The following KIF13A variants were observed in gnomAD, a reference collection of about 807,000 sequenced individuals.
The protein encoded by KIF13A is kinesin family member 13A, also known as kinesin-like protein KIF13A.
In KIF13A, 79 loss-of-function variants were observed where a neutral mutation model predicts 212.2. The observed-to-expected ratio is 0.37, with a 90% confidence interval of 0.31 to 0.45. KIF13A has a LOEUF of 0.45. Among genes scored for constraint, KIF13A ranks in the 20% least tolerant of loss-of-function variants. The pLI, the probability that KIF13A is intolerant of heterozygous loss-of-function variation, is 1.00. For synonymous variants in KIF13A, 789 were observed against 808.6 expected (o/e 0.98, Z 0.41); for missense variants, 1,901 against 2,209.0 (o/e 0.86, Z 2.79).
Position 17,912,333 on chromosome 6 carries a change from C to T in KIF13A, c.147-14153G>A, listed in dbSNP as rs1774147963. Among the ~76,000 whole-genome samples the T allele has an allele frequency of 6.6e-6, 1 of 152,136 alleles. No individual in the cohort carries two copies. Among genetic ancestry groups the T allele is most frequent in the Non-Finnish European group, 1.5e-5 (1 of 68,032 alleles). On this transcript the variant is annotated intron_variant, in intron 2 of 38. Transcript: ENST00000259711. The surrounding 1 kb of genome is among the most constrained non-coding windows in gnomAD (Gnocchi z 4.2). Reference sequence around the variant, plus strand: ...AGAGTGACAGAAGAACATTCAGAAACCAAAATTTCCCCTTCTGGGAAAGAA... The same window carrying T: ...AGAGTGACAGAAGAACATTCAGAAATCAAAATTTCCCCTTCTGGGAAAGAA...
rs1760083659 is a variant in KIF13A at position 17,777,342 on chromosome 6, T to A, written c.4105A>T (p.Lys1369Ter). The A allele has an allele frequency of 1.9e-6, 3 of 1,612,706 alleles. No homozygotes were observed. The Admixed American group carries it at 5.0e-5, about 27-fold the overall frequency. Reference protein sequence around the residue: ...LERLRQAVTVKEALSTKARHI... With the variant: ...LERLRQAVTV ...CGGGCTTTGGTGGAAAGTGCTTCTT[T>A]GACTGTGACGGCCTGTAAACATAAT... Residue 1369 changes from lysine (K) to a stop codon, truncating the protein, a stop_gained, in exon 34 of 39, where the codon AAA (lysine) becomes TAA (stop). Transcript: ENST00000259711. LOFTEE classifies it high-confidence loss of function. This position sits in a 1 kb window ranked among gnomAD's most constrained non-coding sequence, Gnocchi z 4.4.
chr6:17,889,997 G>A (rs1771897839), intron 3 of KIF13A, among the ~76,000 whole-genome samples: 1 of 151,958 alleles, frequency 6.6e-6, no homozygotes, highest in Admixed American at 6.6e-5. Context: ...CCTGTTGACA[G>A]GAAAGACAGG....
intron 20 of KIF13A, among the ~76,000 whole-genome samples, chr6:17,801,112 A>G (rs1332824591): frequency 6.6e-6 from 1 of 152,152 alleles, no homozygotes; most frequent in African/African-American, 2.4e-5. Flanking sequence ...TCATTTGACC[A>G]AACAGCTAGC....
Position 17,856,768 on chromosome 6 carries a change from T to A in KIF13A, c.221-646A>T, listed in dbSNP as rs1419907388. On this transcript the variant is annotated intron_variant, in intron 4 of 38. Transcript: ENST00000259711. This position sits in a 1 kb window ranked among gnomAD's most constrained non-coding sequence, Gnocchi z 4.5. ...GGGCTGAAGAGTAAAGGAGTGACAATCTGTTTTAAACACATAAAAGGACAG... is the reference window on the plus strand; with the variant it reads ...GGGCTGAAGAGTAAAGGAGTGACAAACTGTTTTAAACACATAAAAGGACAG... Among the ~76,000 whole-genome samples the A allele has an allele frequency of 1.3e-5, 2 of 152,184 alleles. No homozygotes were observed. Among genetic ancestry groups the A allele is most frequent in the Non-Finnish European group, 2.9e-5 (2 of 68,040 alleles).
chr6:17,856,041 T>C lies in KIF13A; in HGVS notation c.302A>G (p.Tyr101Cys), dbSNP rs1562061166. The change falls in exon 5 of 39, where the codon TAT (tyrosine) becomes TGT (cysteine). Residue 101 changes from tyrosine (Y) to cysteine (C), a missense_variant. Tyr to Cys is a radical substitution (Grantham distance 194). Coordinates refer to ENST00000259711, the MANE Select transcript of KIF13A (RefSeq NM_022113.6). This position sits in a 1 kb window ranked among gnomAD's most constrained non-coding sequence, Gnocchi z 4.5. ...AAGCAACTTCTTACCTGTCTGTCCA[T>C]ATGCAAAAATACACGCATTATACCC... The part of the protein sequence containing the change: ...FQGYNACIFA[Y>C]GQTGSGKSFS... 3 of 1,611,492 alleles carry C rather than the reference T, an allele frequency of 1.9e-6. No homozygotes were observed. The highest frequency in any genetic ancestry group is 2.5e-6 in the Non-Finnish European group (3 of 1,177,810).
At chr6:17,879,999 G>T (rs1179542430) in intron 3 of KIF13A, among the ~76,000 whole-genome samples, 1 of 152,148 alleles carries the variant, frequency 6.6e-6, no homozygotes, top group Non-Finnish European at 1.5e-5. Flanking sequence ...AGAGGGTCTT[G>T]CTCTGTCACC....
chr6:17,930,246 G>T (rs1453059351), intron 2 of KIF13A, among the ~76,000 whole-genome samples: 1 of 152,118 alleles, frequency 6.6e-6, no homozygotes, highest in East Asian at 1.9e-4. Context: ...AACCATTTGG[G>T]AGTATTTACT....
rs1758735631 is a variant in KIF13A at position 17,764,136 on chromosome 6, C to G, written c.5392G>C (p.Ala1798Pro). The part of the protein sequence containing the change: ...ENDQVIIPEA[A>P]FWVLCCQ ...CATTGACAGCACAGAACCCAAAAGG[C>G]TGCCTCTGGAATTATTACCTGGTCA... Residue 1798 changes from alanine (A) to proline (P), a missense_variant, in exon 39 of 39, where the codon GCC becomes CCC. Transcript: ENST00000259711. This position sits in a 1 kb window ranked among gnomAD's most constrained non-coding sequence, Gnocchi z 5.1. 1 of 1,613,986 alleles carries G rather than the reference C, an allele frequency of 6.2e-7. No homozygotes were observed. Among genetic ancestry groups the G allele is most frequent in the Middle Eastern group, 1.6e-4 (1 of 6,062 alleles).
At position 17,816,928 on chromosome 6, in the gene KIF13A, A is replaced by T; in HGVS notation, c.2000+92T>A. ...TGGGATTAAGAGTTCTCTTGTTGCT[A>T]GGTTTGTCCCTGACATGTCTCAAAA... On this transcript the variant is annotated intron_variant, in intron 17 of 38. Transcript: ENST00000259711. This position sits in a 1 kb window ranked among gnomAD's most constrained non-coding sequence, Gnocchi z 4.3. 1 of 924,612 alleles carries T rather than the reference A, an allele frequency of 1.1e-6. No homozygotes were observed. Among genetic ancestry groups the T allele is most frequent in the Non-Finnish European group, 1.6e-6 (1 of 621,016 alleles). 57.3% of individuals were successfully genotyped at this position (924,612 alleles called of 1,614,324 possible).
chr6:17,962,258 C>A (rs921536146), intron 2 of KIF13A, among the ~76,000 whole-genome samples: 1 of 151,852 alleles, frequency 6.6e-6, no homozygotes, highest in Admixed American at 6.6e-5. Flanking sequence ...TTGCAGCGAG[C>A]TGAGATTGCG....
intron 29 of KIF13A, among the ~76,000 whole-genome samples, chr6:17,782,181 C>T (rs188956930): frequency 5.3e-5 from 8 of 151,366 alleles, no homozygotes; most frequent in Admixed American, 1.3e-4. Context: ...ATGATCCACC[C>T]GCCTCAGCCT....
intron 2 of KIF13A, among the ~76,000 whole-genome samples, chr6:17,923,252 C>T (rs945238232): frequency 2.0e-5 from 3 of 149,606 alleles, no homozygotes; most frequent in Non-Finnish European, 3.0e-5. Flanking sequence ...CCAGCCTAGG[C>T]GATGGGATTG....
rs551285974 is a variant in KIF13A at position 17,876,738 on chromosome 6, G to A, written c.160-3301C>T. Among the ~76,000 whole-genome samples, 5 of 152,162 alleles carry A rather than the reference G, an allele frequency of 3.3e-5. No homozygotes were observed. In the East Asian group the frequency reaches 7.7e-4, roughly 24 times the overall value. ...CACTGCAGCCTCAATCAGCTCAATTGATCCTACCTCCTCAGCCTCCTGAGT... is the reference window on the plus strand; with the variant it reads ...CACTGCAGCCTCAATCAGCTCAATTAATCCTACCTCCTCAGCCTCCTGAGT... On this transcript the variant is annotated intron_variant, in intron 3 of 38. Transcript: ENST00000259711.
intron 38 of KIF13A, chr6:17,770,411 A>G (rs1759398225): frequency 2.1e-5 from 3 of 143,608 alleles, no homozygotes; most frequent in Admixed American, 1.5e-4. Flanking sequence ...TTTATAACCT[A>G]AGGTGCCTGG....
intron 2 of KIF13A, among the ~76,000 whole-genome samples, chr6:17,944,066 C>T (rs1411859343): frequency 2.0e-5 from 3 of 152,178 alleles, no homozygotes; most frequent in Non-Finnish European, 4.4e-5. Context: ...GCATCTCCAA[C>T]TCTACGTTAT....
intron 3 of KIF13A, among the ~76,000 whole-genome samples, chr6:17,893,519 G>C (rs1772255703): frequency 6.6e-6 from 1 of 152,088 alleles, no homozygotes; most frequent in Non-Finnish European, 1.5e-5. Context: ...CAACCTTATT[G>C]TACCTTATTG....
At chr6:17,952,010 G>GA (rs1165363288) in intron 2 of KIF13A, among the ~76,000 whole-genome samples, 1 of 152,042 alleles carries the variant, frequency 6.6e-6, no homozygotes, top group African/African-American at 2.4e-5. Flanking sequence ...TTTATATTAA[G>GA]AAACTATAGT....
At chr6:17,862,085 A>G (rs1768855749) in intron 4 of KIF13A, among the ~76,000 whole-genome samples, 1 of 152,154 alleles carries the variant, frequency 6.6e-6, no homozygotes, top group South Asian at 2.1e-4. Flanking sequence ...GCGGGATCAC[A>G]GCTTATGGCA....
chr6:17,773,324 T>C lies in KIF13A; in HGVS notation c.4324+154A>G, dbSNP rs1759655823. ...AACAAAAATAAATCAAATAAGTGAA[T>C]GTTATATGTTACATTCAATAACAGT... On this transcript the variant is annotated intron_variant, in intron 36 of 38. Transcript: ENST00000259711. The surrounding 1 kb of genome is among the most constrained non-coding windows in gnomAD (Gnocchi z 4.2). 6.6e-6 allele frequency among the ~76,000 whole-genome samples: 1 copy of C among 152,244 alleles called. No homozygotes were observed. The highest frequency in any genetic ancestry group is 6.5e-5 in the Admixed American group (1 of 15,286).
Sources: gnomAD v4.1 joint callset for allele counts (sites outside exome capture counted in the v4.1 genomes callset) on GRCh38, gnomAD v4.1.1 for gene constraint, Gnocchi (gnomAD v3.1) non-coding constraint, MANE v1.5 for transcripts, NCBI Gene and HGNC (gene_info 2026-07-23, HGNC 2026-07-21) for gene names.